The following PCDH17 variants were observed in gnomAD, a reference collection of about 807,000 sequenced individuals.
PCDH17 encodes the protein protocadherin 17, also known as protocadherin-17.
PCDH17 carries 21 observed loss-of-function variants against 67.7 expected under a neutral mutation model. That is an observed-to-expected ratio of 0.31 (90% CI 0.22 to 0.45). PCDH17 has a LOEUF of 0.45. PCDH17 is among the 20% of genes least tolerant of loss of function. The pLI, the probability that PCDH17 is intolerant of heterozygous loss-of-function variation, is 1.00. For synonymous variants in PCDH17, 701 were observed against 656.7 expected, an observed-to-expected ratio of 1.07 and a Z score of -1.03; for missense variants, 1,471 against 1,564.8, an observed-to-expected ratio of 0.94 and a Z score of 1.01.
At chr13:57,719,986 T>C (rs1456034515) in intron 3 of PCDH17, among the ~76,000 whole-genome samples, 1 of 152,066 alleles carries the variant, frequency 6.6e-6, no homozygotes, top group Non-Finnish European at 1.5e-5. Context: ...TTAAAACACA[T>C]TGTAAAATTA....
intron 1 of PCDH17, among the ~76,000 whole-genome samples, chr13:57,636,505 T>G (rs1214137170): frequency 6.6e-6 from 1 of 152,138 alleles, no homozygotes; most frequent in African/African-American, 2.4e-5. Context: ...ATAATGTCCT[T>G]GTAAAACAAT....
intron 3 of PCDH17, among the ~76,000 whole-genome samples, chr13:57,686,889 C>T (rs1955512590): frequency 6.6e-6 from 1 of 151,922 alleles, no homozygotes; most frequent in Admixed American, 6.6e-5. Flanking sequence ...ATTTTTCAGC[C>T]TAGAACGCAC....
In PCDH17 at chr13:57,635,120, C is replaced by T. The variant is rs1315544598; in HGVS notation, c.2565+9C>T. On this transcript the variant is annotated intron_variant, in intron 1 of 3. Coordinates refer to ENST00000377918, the MANE Select transcript of PCDH17 (RefSeq NM_001040429.3). ...GGATGTCCATAATTCAGGTAGGAGACTTTTAGCATAACTGGGAGTTCACTT... is the reference window on the plus strand; with the variant it reads ...GGATGTCCATAATTCAGGTAGGAGATTTTTAGCATAACTGGGAGTTCACTT... 1.6e-5 allele frequency: 25 copies of T among 1,612,028 alleles called. No homozygotes were observed. Among genetic ancestry groups the T allele is most frequent in the Non-Finnish European group, 1.9e-5 (22 of 1,179,740 alleles).
chr13:57,677,908 C>T (rs373565969), intron 3 of PCDH17, among the ~76,000 whole-genome samples: 2 of 151,718 alleles, frequency 1.3e-5, no homozygotes, highest in Non-Finnish European at 3.0e-5. Flanking sequence ...GGTTGAGAGG[C>T]CGGCCTAGAG....
chr13:57,675,284 T>G (rs1955379080), intron 3 of PCDH17, among the ~76,000 whole-genome samples: 1 of 151,958 alleles, frequency 6.6e-6, no homozygotes, highest in African/African-American at 2.4e-5. Context: ...CTATTTCTCT[T>G]ATTTGTTGCT....
intron 3 of PCDH17, among the ~76,000 whole-genome samples, chr13:57,717,780 A>G (rs1955833611): frequency 6.6e-6 from 1 of 152,096 alleles, no homozygotes. Context: ...ATAGCACTTC[A>G]CAAAGTAAAA....
chr13:57,707,294 TA>T (rs555367360), intron 3 of PCDH17, among the ~76,000 whole-genome samples: 1 of 151,488 alleles, frequency 6.6e-6, no homozygotes, highest in Admixed American at 6.6e-5. Flanking sequence ...ACGTATGTCA[TA>T]AAAAAACTTT....
At chr13:57,695,501 G>A (rs1955598404) in intron 3 of PCDH17, among the ~76,000 whole-genome samples, 1 of 151,162 alleles carries the variant, frequency 6.6e-6, no homozygotes, top group African/African-American at 2.4e-5. Flanking sequence ...GGGCATGGAG[G>A]AAAGGATGGA....
chr13:57,671,082 G>A (rs754350535), intron 3 of PCDH17, among the ~76,000 whole-genome samples: 1 of 151,650 alleles, frequency 6.6e-6, no homozygotes, highest in Non-Finnish European at 1.5e-5. Flanking sequence ...TTGCATGTTT[G>A]TGCCCTAGTT....
intron 3 of PCDH17, among the ~76,000 whole-genome samples, chr13:57,720,715 T>A (rs547911187): frequency 6.6e-6 from 1 of 152,096 alleles, no homozygotes; most frequent in African/African-American, 2.4e-5. Flanking sequence ...ATCACAAACA[T>A]AAAAATAAAG....
At chr13:57,711,342 A>G (rs2138089545) in intron 3 of PCDH17, among the ~76,000 whole-genome samples, 1 of 152,008 alleles carries the variant, frequency 6.6e-6, no homozygotes, top group South Asian at 2.1e-4. Context: ...GTGATTGAGC[A>G]CCAGGAAAAC....
rs528997228 is a variant in PCDH17, at chr13:57,717,214, G to A, written c.2798-7398G>A. 7.2e-5 allele frequency among the ~76,000 whole-genome samples: 11 copies of A among 152,004 alleles called. No individual in the cohort carries two copies. In the South Asian group the frequency reaches 1.2e-3, roughly 17 times the overall value. On this transcript the variant is annotated intron_variant, in intron 3 of 3. Coordinates refer to ENST00000377918, the MANE Select transcript of PCDH17 (RefSeq NM_001040429.3). ...CCTACAGAAGGGAATTCAGGGAAGG[G>A]GCAGATTAAATTTTCAGTGTTGATC...
At chr13:57,650,345 G>T (rs538303585) in intron 1 of PCDH17, among the ~76,000 whole-genome samples, 1 of 151,318 alleles carries the variant, frequency 6.6e-6, no homozygotes, top group East Asian at 2.0e-4. Context: ...GGCACGGCTG[G>T]TCTACTGCCT....
intron 3 of PCDH17, among the ~76,000 whole-genome samples, chr13:57,683,667 T>C (rs576562208): frequency 2.0e-5 from 3 of 151,872 alleles, no homozygotes; most frequent in East Asian, 3.9e-4. Context: ...TGAGTAAATA[T>C]AATAAGGACC....
chr13:57,668,411 A>G (rs1471958335), intron 3 of PCDH17, among the ~76,000 whole-genome samples: 1 of 152,078 alleles, frequency 6.6e-6, no homozygotes, highest in Non-Finnish European at 1.5e-5. Context: ...TAATTTTTTA[A>G]AAAGAGAGCA....
intron 3 of PCDH17, among the ~76,000 whole-genome samples, chr13:57,684,408 T>TA (rs1488298306): frequency 6.6e-6 from 1 of 151,924 alleles, no homozygotes; most frequent in Non-Finnish European, 1.5e-5. Context: ...TTTTAAAAAT[T>TA]ACACCTAGCC....
At chr13:57,677,808 A>G (rs962959460) in intron 3 of PCDH17, among the ~76,000 whole-genome samples, 22 of 152,006 alleles carry the variant, frequency 1.4e-4, no homozygotes, top group Middle Eastern at 6.8e-3. Context: ...AGAAACTCAA[A>G]TACTGCATGA....
intron 1 of PCDH17, among the ~76,000 whole-genome samples, chr13:57,665,601 T>A (rs1955242836): frequency 6.6e-6 from 1 of 151,940 alleles, no homozygotes; most frequent in Admixed American, 6.6e-5. Flanking sequence ...TGTCACTGAG[T>A]CAGCTGCAAG....
chr13:57,653,107 C>T (rs1228343708), intron 1 of PCDH17, among the ~76,000 whole-genome samples: 1 of 151,942 alleles, frequency 6.6e-6, no homozygotes, highest in Non-Finnish European at 1.5e-5. Context: ...TATAGAGCAG[C>T]CCAGGATTCT....
Sources: gnomAD v4.1 joint callset for allele counts (sites outside exome capture counted in the v4.1 genomes callset) on GRCh38, gnomAD v4.1.1 for gene constraint, MANE v1.5 for transcripts, NCBI Gene and HGNC (gene_info 2026-07-23, HGNC 2026-07-21) for gene names.